Variants in SNX29 observed in about 807,000 individuals in gnomAD.
SNX29 encodes sorting nexin-29.
Under a neutral mutation model 102.1 loss-of-function variants are expected in SNX29, and 78 were observed. The ratio of observed to expected loss-of-function variants is 0.76; its 90% CI spans 0.64 to 0.92. SNX29 has a LOEUF of 0.92. Among genes scored for constraint, SNX29 ranks in the 40% least tolerant of loss-of-function variants. The probability of loss-of-function intolerance (pLI) is 0.00; values close to 1 mark genes in which losing one functional copy is unlikely to be tolerated. For missense variants in SNX29, 1,280 were observed against 1,061.7 expected (o/e 1.21, Z -2.86); for synonymous variants, 580 against 414.5 (o/e 1.40, Z -4.85).
intron 15 of SNX29, among the ~76,000 whole-genome samples, chr16:12,312,281 C>T (rs1030441824): frequency 2.6e-5 from 4 of 152,218 alleles, no homozygotes; most frequent in East Asian, 1.9e-4. Flanking sequence ...GCACTTGCTG[C>T]GCTGTCGTTT....
At chr16:12,146,527 A>C (rs2055073274) in intron 13 of SNX29, among the ~76,000 whole-genome samples, 1 of 152,196 alleles carries the variant, frequency 6.6e-6, no homozygotes, top group Non-Finnish European at 1.5e-5. Context: ...TGGCCTCCCA[A>C]AGTGCTGAGA....
Position 12,258,256 on chromosome 16 carries a change from A to C in SNX29, c.1679-19677A>C, listed in dbSNP as rs184094826. Among the ~76,000 whole-genome samples, 128 of 152,004 alleles carry C rather than the reference A, an allele frequency of 8.4e-4. 6 individuals are homozygous for C. The South Asian group carries it at 0.023, about 27-fold the overall frequency. ...TGCCGCCACCTGCCGTCCTGCTCTGACCTGTCACCTCGTCTCTGTGTGTAC... is the reference window on the plus strand; with the variant it reads ...TGCCGCCACCTGCCGTCCTGCTCTGCCCTGTCACCTCGTCTCTGTGTGTAC... On this transcript the variant is annotated intron_variant, in intron 14 of 20. Transcript: ENST00000566228.
intron 18 of SNX29, among the ~76,000 whole-genome samples, chr16:12,474,902 C>T (rs531100517): frequency 2.6e-5 from 4 of 152,294 alleles, no homozygotes; most frequent in South Asian, 2.1e-4. Context: ...AGAAGGAGTA[C>T]GCCCACGTGT....
At chr16:12,091,035 A>AAG (rs1555458471) in intron 11 of SNX29, among the ~76,000 whole-genome samples, 1 of 101,236 alleles carries the variant, frequency 9.9e-6, no homozygotes, top group Admixed American at 1.2e-4. Context: ...AAAAAAAAAA[A>AAG]AAAGAAAGAA....
chr16:12,539,049 T>G (rs903449724), intron 20 of SNX29, among the ~76,000 whole-genome samples: 6 of 152,154 alleles, frequency 3.9e-5, no homozygotes, highest in Admixed American at 3.3e-4. Context: ...CAGAAAGACA[T>G]CACTGTGTAT....
At position 12,571,923 on chromosome 16, in the gene SNX29, G is replaced by T; in HGVS notation, c.*3294G>T. On this transcript the variant is annotated 3_prime_UTR_variant, in exon 21 of 21. Coordinates refer to ENST00000566228, the MANE Select transcript of SNX29 (RefSeq NM_032167.5). Reference sequence around the variant, plus strand: ...CTGCATTTCTCTACTGGCAGGCCCTGGTGAAGGAAGACACTTTCAGGGAAG... The same window carrying T: ...CTGCATTTCTCTACTGGCAGGCCCTTGTGAAGGAAGACACTTTCAGGGAAG... 2 of 1,062,078 alleles carry T rather than the reference G, an allele frequency of 1.9e-6. No homozygotes were observed. Among genetic ancestry groups the T allele is most frequent in the Non-Finnish European group, 2.3e-6 (2 of 877,222 alleles). The allele number at this position is 1,062,078 out of a possible 1,614,324, so 65.8% of individuals were successfully genotyped here.
At chr16:12,194,158 C>A (rs1008367004) in intron 13 of SNX29, among the ~76,000 whole-genome samples, 1 of 152,086 alleles carries the variant, frequency 6.6e-6, no homozygotes, top group South Asian at 2.1e-4. Context: ...TCTTTGATTT[C>A]TTTTGTTAGT....
chr16:12,244,658 G>T (rs993548424), intron 14 of SNX29, among the ~76,000 whole-genome samples: 2 of 152,080 alleles, frequency 1.3e-5, no homozygotes, highest in Non-Finnish European at 2.9e-5. Context: ...AGGGTTTCTT[G>T]TGTGCTTCCT....
chr16:12,280,682 G>A (rs957462578), intron 15 of SNX29, among the ~76,000 whole-genome samples: 5 of 152,150 alleles, frequency 3.3e-5, no homozygotes, highest in African/African-American at 1.2e-4. Flanking sequence ...TTCTGCCGGT[G>A]ATCTTTCATC....
At chr16:12,407,158 C>T (rs1567532088) in intron 18 of SNX29, among the ~76,000 whole-genome samples, 2 of 121,252 alleles carry the variant, frequency 1.6e-5, no homozygotes, top group African/African-American at 2.7e-5. Context: ...CCACATCCTG[C>T]GGGGAGAAGG....
At chr16:12,270,940 G>A (rs916027541) in intron 14 of SNX29, among the ~76,000 whole-genome samples, 1 of 152,176 alleles carries the variant, frequency 6.6e-6, no homozygotes, top group Admixed American at 6.5e-5. Context: ...CTACTCAAGA[G>A]GCTGAGGCAG....
chr16:12,003,435 A>C (rs1169033763), intron 3 of SNX29, among the ~76,000 whole-genome samples: 4 of 152,244 alleles, frequency 2.6e-5, no homozygotes, highest in African/African-American at 9.6e-5. Flanking sequence ...ATAGCCATTA[A>C]AAATGATGTT....
Position 12,118,367 on chromosome 16 carries a change from C to T in SNX29, c.1403-8266C>T, listed in dbSNP as rs1849023400. Among the ~76,000 whole-genome samples, 4 of 128,906 alleles carry T rather than the reference C, an allele frequency of 3.1e-5. No homozygotes were observed. The Admixed American group carries it at 3.4e-4, about 11-fold the overall frequency. 84.6% of individuals were successfully genotyped at this position (128,906 alleles called of 152,430 possible). A position where few individuals can be genotyped will look rare whatever the true frequency, so the allele number is the denominator to read the frequency against. Reference sequence around the variant, plus strand: ...ATGGAGTCTTGCTCTGTCACCCAGGCTGGAGTGCAGTGGCACCATGTCGGC... The same window carrying T: ...ATGGAGTCTTGCTCTGTCACCCAGGTTGGAGTGCAGTGGCACCATGTCGGC... On this transcript the variant is annotated intron_variant, in intron 11 of 20. Coordinates refer to ENST00000566228, the MANE Select transcript of SNX29 (RefSeq NM_032167.5).
At chr16:12,032,624 G>C (rs2057376541) in intron 4 of SNX29, among the ~76,000 whole-genome samples, 1 of 152,044 alleles carries the variant, frequency 6.6e-6, no homozygotes, top group African/African-American at 2.4e-5. Flanking sequence ...GAATGGTACT[G>C]CTGTGAATAT....
intron 20 of SNX29, among the ~76,000 whole-genome samples, chr16:12,529,342 G>C (rs1394154743): frequency 2.0e-5 from 3 of 152,172 alleles, no homozygotes; most frequent in African/African-American, 7.2e-5. Context: ...TGGGGAAGGG[G>C]TGGTTACTAA....
chr16:12,069,903 C>A (rs975921603), intron 10 of SNX29, among the ~76,000 whole-genome samples: 1 of 152,028 alleles, frequency 6.6e-6, no homozygotes, highest in Admixed American at 6.6e-5. Flanking sequence ...TGGTCTCGAT[C>A]TCCTGACCTC....
intron 18 of SNX29, among the ~76,000 whole-genome samples, chr16:12,452,963 C>G (rs946209974): frequency 6.6e-6 from 1 of 152,138 alleles, no homozygotes; most frequent in African/African-American, 2.4e-5. Flanking sequence ...AGGTGGACTT[C>G]GTCTTGGCTA....
rs1364696981 is a variant in SNX29 at position 12,574,060 on chromosome 16, C to G, written c.*5431C>G. 1 of 192,620 alleles carries G rather than the reference C, an allele frequency of 5.2e-6. No individual in the cohort carries two copies. Among genetic ancestry groups the G allele is most frequent in the Non-Finnish European group, 1.1e-5 (1 of 92,284 alleles). 11.9% of individuals were successfully genotyped at this position (192,620 alleles called of 1,614,324 possible). A position where few individuals can be genotyped will look rare whatever the true frequency, so the allele number is the denominator to read the frequency against. Reference sequence around the variant, plus strand: ...CTGATAGTCTGTGTGTACATAAGGTCTAGAAGTCTGTGGAAACGCCCTGAA... The same window carrying G: ...CTGATAGTCTGTGTGTACATAAGGTGTAGAAGTCTGTGGAAACGCCCTGAA... On this transcript the variant is annotated 3_prime_UTR_variant, in exon 21 of 21. Coordinates refer to ENST00000566228, the MANE Select transcript of SNX29 (RefSeq NM_032167.5).
At chr16:12,366,100 A>G (rs1020711510) in intron 16 of SNX29, among the ~76,000 whole-genome samples, 2 of 148,248 alleles carry the variant, frequency 1.3e-5, no homozygotes, top group Non-Finnish European at 3.0e-5. Flanking sequence ...GGGGGTTTGC[A>G]TAGTTGCTTC....
Sources: allele counts gnomAD v4.1 joint callset (sites outside exome capture counted in the v4.1 genomes callset), GRCh38; gene constraint gnomAD v4.1.1; transcripts MANE v1.5; gene names NCBI Gene and HGNC (gene_info 2026-07-23, HGNC 2026-07-21).